Variants in PPARA observed in about 807,000 individuals in gnomAD.
PPARA encodes the protein peroxisome proliferator activated receptor alpha, also known as peroxisome proliferator-activated receptor alpha.
Under a neutral mutation model 42.2 loss-of-function variants are expected in PPARA, and 22 were observed. The observed-to-expected ratio is 0.52, with a 90% CI of 0.37 to 0.74. PPARA has a LOEUF of 0.74. Ranked by LOEUF, PPARA falls within the 30% of genes least tolerant of loss-of-function variation. The pLI is 0.00. For synonymous variants in PPARA, 242 were observed against 239.3 expected, an observed-to-expected ratio of 1.01 and a Z score of -0.10; for missense variants, 465 against 608.2, an observed-to-expected ratio of 0.76 and a Z score of 2.48.
intron 4 of PPARA, among the ~76,000 whole-genome samples, chr22:46,210,570 G>A (rs1225058023): frequency 6.6e-6 from 1 of 151,870 alleles, no homozygotes; most frequent in Non-Finnish European, 1.5e-5. Flanking sequence ...AGCCTCCCAG[G>A]TAGCTGGGAT....
intron 2 of PPARA, among the ~76,000 whole-genome samples, chr22:46,166,670 C>G (rs1436020963): frequency 6.6e-6 from 1 of 151,088 alleles, no homozygotes; most frequent in Non-Finnish European, 1.5e-5. Context: ...ATGAAATGCT[C>G]AGAGATAAAA....
chr22:46,194,355 T>C (rs1166389173), intron 3 of PPARA, among the ~76,000 whole-genome samples: 2 of 152,180 alleles, frequency 1.3e-5, no homozygotes, highest in Non-Finnish European at 2.9e-5. Flanking sequence ...AATGATGAAA[T>C]TGTAAAACTT....
rs542964286 is a variant in PPARA, at chr22:46,173,313, G to C, written c.-126-3440G>C. 6.6e-5 allele frequency among the ~76,000 whole-genome samples: 10 copies of C among 152,334 alleles called. No individual in the cohort carries two copies. The highest frequency in any genetic ancestry group is 1.3e-4 in the Admixed American group (2 of 15,300). On this transcript the variant is annotated intron_variant, in intron 2 of 8. Transcript: ENST00000407236. This position sits in a 1 kb window ranked among gnomAD's most constrained non-coding sequence, Gnocchi z 4.3. Reference sequence around the variant, plus strand: ...GGAACCTCTAGTTCCAAATAAGAAAGCCTTGGACACATTTCCAGTTGGCAA... The same window carrying C: ...GGAACCTCTAGTTCCAAATAAGAAACCCTTGGACACATTTCCAGTTGGCAA...
intron 2 of PPARA, among the ~76,000 whole-genome samples, chr22:46,169,979 T>C (rs1927736704): frequency 2.0e-5 from 3 of 152,064 alleles, no homozygotes; most frequent in African/African-American, 7.2e-5. Flanking sequence ...AACTGTTCAA[T>C]GCACTCCCTC....
Position 46,162,031 on chromosome 22 carries a change from G to A in PPARA, c.-127+10061G>A, listed in dbSNP as rs991679082. Among the ~76,000 whole-genome samples, 8 of 152,032 alleles carry A rather than the reference G, an allele frequency of 5.3e-5. No homozygotes were observed. Among genetic ancestry groups the A allele is most frequent in the African/African-American group, 1.7e-4 (7 of 41,392 alleles). On this transcript the variant is annotated intron_variant, in intron 2 of 8. Coordinates refer to ENST00000407236, the MANE Select transcript of PPARA (RefSeq NM_005036.6). This position sits in a 1 kb window ranked among gnomAD's most constrained non-coding sequence, Gnocchi z 6.0. ...TCCCCTCACCCTGGCGACCCTTTTC[G>A]GTCTCAGTTGCCAGCCTCCTGCTAG...
Position 46,231,287 on chromosome 22 carries a change from C to T in PPARA, c.712-505C>T, listed in dbSNP as rs987752954. 2.7e-5 allele frequency among the ~76,000 whole-genome samples: 4 copies of T among 150,832 alleles called. No homozygotes were observed. Among genetic ancestry groups the T allele is most frequent in the Non-Finnish European group, 5.9e-5 (4 of 67,806 alleles). On this transcript the variant is annotated intron_variant, in intron 7 of 8. Coordinates refer to ENST00000407236, the MANE Select transcript of PPARA (RefSeq NM_005036.6). This position sits in a 1 kb window ranked among gnomAD's most constrained non-coding sequence, Gnocchi z 7.7. ...AGGCTGGAGTGCAGTGGCGCAATGT[C>T]GGCTCACTGCAAGCTCTGCCTCCTG...
chr22:46,223,112 C>T (rs1935128432), intron 7 of PPARA, among the ~76,000 whole-genome samples: 1 of 152,230 alleles, frequency 6.6e-6, no homozygotes, highest in African/African-American at 2.4e-5. Flanking sequence ...GCCACGATCG[C>T]GCCACTGCAC....
chr22:46,185,894 C>CAAAAAAAAAAAAAA (rs1279499029), intron 3 of PPARA, among the ~76,000 whole-genome samples: 8 of 20,860 alleles, frequency 3.8e-4, no homozygotes, highest in Admixed American at 7.7e-4. Context: ...GACTCCGTCT[C>CAAAAAAAAAAAAAA]CAAAAAAAAA....
chr22:46,166,789 C>A (rs1305034588), intron 2 of PPARA, among the ~76,000 whole-genome samples: 2 of 152,126 alleles, frequency 1.3e-5, no homozygotes, highest in African/African-American at 4.8e-5. Flanking sequence ...GACTCAGTAT[C>A]TTAGGATGGC....
Position 46,177,475 on chromosome 22 carries a change from A to C in PPARA, c.-43+639A>C, listed in dbSNP as rs74281147. Among the ~76,000 whole-genome samples, 206 of 152,208 alleles carry C rather than the reference A, an allele frequency of 1.4e-3. 4 individuals are homozygous for C. The East Asian group carries it at 0.034, about 25-fold the overall frequency. On this transcript the variant is annotated intron_variant, in intron 3 of 8. Transcript: ENST00000407236. ...CAAGACTCCATCTCAAAAAAAAAAA[A>C]AAAAAAATCGATAGTATCATATCCT... is the stretch of plus-strand genomic sequence containing the variant.
In PPARA at chr22:46,207,673, TATTA is replaced by T. The variant is rs138903521; in HGVS notation, c.209-7499_209-7496del. Among the ~76,000 whole-genome samples the T allele has an allele frequency of 1.4e-3, 132 of 91,292 alleles. 2 individuals carry two copies. Among genetic ancestry groups the T allele is most frequent in the African/African-American group, 6.4e-3 (105 of 16,468 alleles). 59.9% of individuals were successfully genotyped at this position (91,292 alleles called of 152,430 possible). A position where few individuals can be genotyped will look rare whatever the true frequency, so the allele number is the denominator to read the frequency against. On this transcript the variant is annotated intron_variant, in intron 4 of 8. Coordinates refer to ENST00000407236, the MANE Select transcript of PPARA (RefSeq NM_005036.6). ...TTATTATTATTATTATTATTATTATTATTATTTTTTTTTTTTTTTTTTTTTTTAG... is the reference window on the plus strand; with the variant it reads ...TTATTATTATTATTATTATTATTATTTTTTTTTTTTTTTTTTTTTTTTTAG...
chr22:46,185,940 T>C lies in PPARA; in HGVS notation c.-43+9104T>C, dbSNP rs1295134709. On this transcript the variant is annotated intron_variant, in intron 3 of 8. Transcript: ENST00000407236. ...AAATATATATATATATATATATATA[T>C]ATATATATATATATATATATATATA... 1.8e-4 allele frequency among the ~76,000 whole-genome samples: 8 copies of C among 43,450 alleles called. 2 individuals are homozygous for C. The highest frequency in any genetic ancestry group is 4.6e-4 in the African/African-American group (6 of 12,992). 28.5% of individuals were successfully genotyped at this position (43,450 alleles called of 152,430 possible). A position where few individuals can be genotyped will look rare whatever the true frequency, so the allele number is the denominator to read the frequency against.
rs1004404224 is a variant in PPARA, at chr22:46,222,571, G to C, written c.711+2557G>C. 1.1e-4 allele frequency among the ~76,000 whole-genome samples: 16 copies of C among 152,198 alleles called. No individual in the cohort carries two copies. The highest frequency in any genetic ancestry group is 9.8e-4 in the Admixed American group (15 of 15,268). ...CAGACACCCACACTAGGCAGCTCCA[G>C]AGGCTTGTCCCAATTAGAACTTTCC... On this transcript the variant is annotated intron_variant, in intron 7 of 8. Coordinates refer to ENST00000407236, the MANE Select transcript of PPARA (RefSeq NM_005036.6). This position sits in a 1 kb window ranked among gnomAD's most constrained non-coding sequence, Gnocchi z 5.9.
chr22:46,196,799 C>T lies in PPARA; in HGVS notation c.-42-1543C>T, dbSNP rs183903442. On this transcript the variant is annotated intron_variant, in intron 3 of 8. Coordinates refer to ENST00000407236, the MANE Select transcript of PPARA (RefSeq NM_005036.6). This position sits in a 1 kb window ranked among gnomAD's most constrained non-coding sequence, Gnocchi z 5.6. Reference sequence around the variant, plus strand: ...GTGCAGTGGTGCGACCTCAGCTCACCGCAACCTCCGCCTCCCATGTTCAAG... The same window carrying T: ...GTGCAGTGGTGCGACCTCAGCTCACTGCAACCTCCGCCTCCCATGTTCAAG... 6.6e-6 allele frequency among the ~76,000 whole-genome samples: 1 copy of T among 152,082 alleles called. No individual in the cohort carries two copies. Among genetic ancestry groups the T allele is most frequent in the Non-Finnish European group, 1.5e-5 (1 of 67,998 alleles).
chr22:46,189,101 T>C (rs1207367559), intron 3 of PPARA, among the ~76,000 whole-genome samples: 1 of 152,234 alleles, frequency 6.6e-6, no homozygotes, highest in East Asian at 1.9e-4. Context: ...TTCATTTCAG[T>C]TGACTTTTGA....
In PPARA at chr22:46,183,403, C is replaced by T. The variant is rs1226317755; in HGVS notation, c.-43+6567C>T. The stretch of plus-strand genomic sequence containing the variant: ...TTCATCAAGAGGATCATCTACTCAA[C>T]ACAGATAAACTGGGAAAGAAAAATA... On this transcript the variant is annotated intron_variant, in intron 3 of 8. Transcript: ENST00000407236. The surrounding 1 kb of genome is among the most constrained non-coding windows in gnomAD (Gnocchi z 5.5). Among the ~76,000 whole-genome samples, 3 of 152,206 alleles carry T rather than the reference C, an allele frequency of 2.0e-5. No individual in the cohort carries two copies. The highest frequency in any genetic ancestry group is 4.4e-5 in the Non-Finnish European group (3 of 68,040).
chr22:46,178,252 C>T (rs975109612), intron 3 of PPARA, among the ~76,000 whole-genome samples: 2 of 152,204 alleles, frequency 1.3e-5, no homozygotes, highest in African/African-American at 4.8e-5. Flanking sequence ...AATATACTGG[C>T]TGTGGCCTTG....
At position 46,227,930 on chromosome 22, in the gene PPARA, A is replaced by G. The variant is rs914300286; in HGVS notation, c.712-3862A>G. 6.6e-6 allele frequency among the ~76,000 whole-genome samples: 1 copy of G among 152,158 alleles called. No homozygotes were observed. Among genetic ancestry groups the G allele is most frequent in the African/African-American group, 2.4e-5 (1 of 41,426 alleles). On this transcript the variant is annotated intron_variant, in intron 7 of 8. Coordinates refer to ENST00000407236, the MANE Select transcript of PPARA (RefSeq NM_005036.6). The surrounding 1 kb of genome is among the most constrained non-coding windows in gnomAD (Gnocchi z 4.3). ...TAGCGAATTTGCAAGTGTGTTTTTC[A>G]ACAGCATTTCTCTTTAGCTTTAATA...
Position 46,219,203 on chromosome 22 carries a change from A to G in PPARA, c.509-609A>G, listed in dbSNP as rs1159479793. Among the ~76,000 whole-genome samples, 1 of 152,126 alleles carries G rather than the reference A, an allele frequency of 6.6e-6. No individual in the cohort carries two copies. The highest frequency in any genetic ancestry group is 1.5e-5 in the Non-Finnish European group (1 of 68,016). ...AAAGAAAAAGTCTCAAATAGCTGAG[A>G]TTCAGTGGTGCATTGGACTCGCTGT... On this transcript the variant is annotated intron_variant, in intron 6 of 8. Transcript: ENST00000407236. The surrounding 1 kb of genome is among the most constrained non-coding windows in gnomAD (Gnocchi z 4.8).
Sources: gnomAD v4.1 joint callset for allele counts (sites outside exome capture counted in the v4.1 genomes callset) on GRCh38, gnomAD v4.1.1 for gene constraint, Gnocchi (gnomAD v3.1) non-coding constraint, MANE v1.5 for transcripts, NCBI Gene and HGNC (gene_info 2026-07-23, HGNC 2026-07-21) for gene names.